DSCAM: variants seen among roughly 807,000 people sequenced by gnomAD.
DSCAM encodes DS cell adhesion molecule.
Under a neutral mutation model 217.7 loss-of-function variants are expected in DSCAM, and 47 were observed. The observed-to-expected ratio is 0.22, with a 90% confidence interval of 0.17 to 0.28. The LOEUF (loss-of-function observed/expected upper bound fraction) is 0.28. Ranked by LOEUF, DSCAM falls within the 10% of genes least tolerant of loss-of-function variation. The pLI is 1.00. For synonymous variants in DSCAM, 1,056 were observed against 1,015.3 expected, an observed-to-expected ratio of 1.04 and a Z score of -0.76; for missense variants, 2,080 against 2,618.3, an observed-to-expected ratio of 0.79 and a Z score of 4.49.
intron 11 of DSCAM, among the ~76,000 whole-genome samples, chr21:40,260,292 A>G (rs986575148): frequency 1.3e-5 from 2 of 152,208 alleles, no homozygotes; most frequent in African/African-American, 4.8e-5. Context: ...TCTGGAATCA[A>G]TTGGCTTAAG....
intron 1 of DSCAM, among the ~76,000 whole-genome samples, chr21:40,844,095 T>C (rs1601337915): frequency 6.6e-6 from 1 of 152,208 alleles, no homozygotes; most frequent in Non-Finnish European, 1.5e-5. Context: ...AAAGTTGAGG[T>C]ATAACAAAAT....
chr21:40,164,792 A>G (rs1415773235), intron 16 of DSCAM, among the ~76,000 whole-genome samples: 2 of 151,076 alleles, frequency 1.3e-5, no homozygotes, highest in African/African-American at 2.4e-5. Context: ...ACAGAGTGAG[A>G]CTCTGTCTCA....
chr21:40,373,926 G>A (rs1166771813), intron 3 of DSCAM, among the ~76,000 whole-genome samples: 5 of 152,144 alleles, frequency 3.3e-5, no homozygotes, highest in African/African-American at 1.2e-4. Context: ...TCTTTGTTCT[G>A]CTGTTGAAGA....
intron 1 of DSCAM, among the ~76,000 whole-genome samples, chr21:40,728,141 T>C (rs939880944): frequency 1.3e-5 from 2 of 152,184 alleles, no homozygotes; most frequent in Admixed American, 1.3e-4. Context: ...CCTCAGCGTC[T>C]TTAGTGCACT....
intron 5 of DSCAM, among the ~76,000 whole-genome samples, chr21:40,349,040 GGGA>G (rs1265363052): frequency 6.0e-5 from 9 of 150,238 alleles, no homozygotes; most frequent in Admixed American, 2.0e-4. Flanking sequence ...GGGAGGCTGA[GGGA>G]GGAGAATGGT....
chr21:40,137,186 A>C (rs891298235), intron 18 of DSCAM, among the ~76,000 whole-genome samples: 1 of 150,306 alleles, frequency 6.7e-6, no homozygotes, highest in African/African-American at 2.4e-5. Context: ...AGGAAAAAAA[A>C]AAAAAAAAAA....
At chr21:40,642,041 TCA>T (rs1491512055) in intron 3 of DSCAM, among the ~76,000 whole-genome samples, 2 of 71,192 alleles carry the variant, frequency 2.8e-5, no homozygotes, top group African/African-American at 9.3e-5. Context: ...AGACTCTGTC[TCA>T]AAAAAAAAAA....
chr21:40,268,673 C>T (rs1042808621), intron 11 of DSCAM, among the ~76,000 whole-genome samples: 1 of 152,048 alleles, frequency 6.6e-6, no homozygotes, highest in Non-Finnish European at 1.5e-5. Flanking sequence ...TTTCGAAAGG[C>T]TGTGGTGGCT....
intron 4 of DSCAM, among the ~76,000 whole-genome samples, chr21:40,356,350 CTA>C (rs1194383309): frequency 2.0e-5 from 3 of 150,160 alleles, no homozygotes; most frequent in African/African-American, 7.3e-5. Flanking sequence ...CAAATGTTAA[CTA>C]TGTGAGGCAA....
intron 3 of DSCAM, among the ~76,000 whole-genome samples, chr21:40,660,378 AAC>A (rs1451754122): frequency 6.6e-6 from 1 of 152,226 alleles, no homozygotes; most frequent in African/African-American, 2.4e-5. Context: ...GGATAATTCT[AAC>A]AACTGGCCAG....
intron 4 of DSCAM, 58 bp from the exon 5 acceptor site, chr21:40,353,801 G>A: frequency 7.2e-7 from 1 of 1,393,822 alleles, no homozygotes; most frequent in Non-Finnish European, 9.4e-7. Context: ...TGGTCATTTA[G>A]AATTGTAGGA....
chr21:40,586,250 C>G (rs1280018581), intron 3 of DSCAM, among the ~76,000 whole-genome samples: 1 of 152,196 alleles, frequency 6.6e-6, no homozygotes, highest in African/African-American at 2.4e-5. Context: ...AAGCCCACAC[C>G]AAAAGCAGAT....
At chr21:40,676,758 C>T (rs2090344744) in intron 3 of DSCAM, among the ~76,000 whole-genome samples, 1 of 152,152 alleles carries the variant, frequency 6.6e-6, no homozygotes, top group Admixed American at 6.5e-5. Flanking sequence ...ATACACCTTT[C>T]TTCAATATTT....
At chr21:40,825,266 T>TTTCTTTCC (rs1555892730) in intron 1 of DSCAM, among the ~76,000 whole-genome samples, 1 of 140,062 alleles carries the variant, frequency 7.1e-6, no homozygotes, top group African/African-American at 2.7e-5. Flanking sequence ...ATTTTCTTTC[T>TTTCTTTCC]TTCCTTCCTT....
chr21:40,715,451 G>T (rs2090831542), intron 1 of DSCAM, among the ~76,000 whole-genome samples: 2 of 152,228 alleles, frequency 1.3e-5, no homozygotes, highest in African/African-American at 4.8e-5. Context: ...AAAGGTGGCA[G>T]AGAAAAATAC....
chr21:40,610,015 G>T (rs2146276474), intron 3 of DSCAM, among the ~76,000 whole-genome samples: 1 of 152,320 alleles, frequency 6.6e-6, no homozygotes, highest in Non-Finnish European at 1.5e-5. Flanking sequence ...TAGGGAGACG[G>T]ACTATTTCTT....
chr21:40,080,806 T>C (rs60149441), intron 24 of DSCAM, among the ~76,000 whole-genome samples: 7,209 of 152,254 alleles, frequency 0.047, 586 homozygotes, highest in African/African-American at 0.16. Context: ...GTCTCACAGT[T>C]CACAGACACT....
intron 3 of DSCAM, among the ~76,000 whole-genome samples, chr21:40,422,484 A>ATG (rs1723753273): frequency 6.6e-6 from 1 of 151,902 alleles, no homozygotes; most frequent in South Asian, 2.1e-4. Context: ...AAATATATAT[A>ATG]TACAAAAATT....
intron 11 of DSCAM, among the ~76,000 whole-genome samples, chr21:40,241,379 A>G (rs369475949): frequency 1.3e-5 from 2 of 152,242 alleles, no homozygotes; most frequent in African/African-American, 4.8e-5. Flanking sequence ...CAACAAATAT[A>G]TGAAAAAAGC....
Sources: gnomAD v4.1 joint callset for allele counts (sites outside exome capture counted in the v4.1 genomes callset) on GRCh38, gnomAD v4.1.1 for gene constraint, MANE v1.5 for transcripts, NCBI Gene and HGNC (gene_info 2026-07-23, HGNC 2026-07-21) for gene names.